CYTH1: variants seen among roughly 807,000 people sequenced by gnomAD.
The protein encoded by CYTH1 is cytohesin-1.
CYTH1 carries 18 observed loss-of-function variants against 61.8 expected under a neutral mutation model. The observed-to-expected ratio is 0.29, with a 90% CI of 0.20 to 0.43. The LOEUF (loss-of-function observed/expected upper bound fraction) is 0.43. Among genes scored for constraint, CYTH1 ranks in the 20% least tolerant of loss-of-function variants. CYTH1 has a pLI of 1.00. For synonymous variants in CYTH1, 174 were observed against 184.3 expected, an observed-to-expected ratio of 0.94 and a Z score of 0.45; for missense variants, 336 against 510.5, an observed-to-expected ratio of 0.66 and a Z score of 3.29.
intron 9 of CYTH1, chr17:78,696,762 T>C (rs1336361098): frequency 6.6e-6 from 1 of 152,282 alleles, no homozygotes; most frequent in African/African-American, 2.4e-5. Context: ...CTTTGTACTG[T>C]TCTAATTTTA....
chr17:78,703,411 CAAAAAAAA>C (rs67437891), intron 3 of CYTH1, among the ~76,000 whole-genome samples: 3 of 69,690 alleles, frequency 4.3e-5, no homozygotes, highest in Admixed American at 1.9e-4. Context: ...ACTCCGTCTC[CAAAAAAAA>C]AAAAAAAAAA....
Position 78,760,460 on chromosome 17 carries a change from C to CAT in CYTH1, c.22+21740_22+21741dup, listed in dbSNP as rs1273141940. 1.3e-4 allele frequency among the ~76,000 whole-genome samples: 4 copies of CAT among 31,530 alleles called. 1 individual carries two copies. The highest frequency in any genetic ancestry group is 6.7e-4 in the Admixed American group (2 of 2,970). 20.7% of individuals were successfully genotyped at this position (31,530 alleles called of 152,430 possible). On this transcript the variant is annotated intron_variant, in intron 1 of 13. Transcript: ENST00000446868. The stretch of plus-strand genomic sequence containing the variant: ...ATATATATGTATATATATATACATA[C>CAT]ATATATATATGTATATATATGTATG...
At chr17:78,722,137 C>T (rs1220348536) in intron 1 of CYTH1, among the ~76,000 whole-genome samples, 2 of 152,106 alleles carry the variant, frequency 1.3e-5, no homozygotes, top group African/African-American at 4.8e-5. Flanking sequence ...AGTAACAGAA[C>T]CTAAGTGACA....
chr17:78,760,382 TATACACAC>T (rs2093417880), intron 1 of CYTH1, among the ~76,000 whole-genome samples: 8 of 51,686 alleles, frequency 1.5e-4, no homozygotes, highest in South Asian at 6.3e-4. Context: ...TATATATATA[TATACACAC>T]ACATACATAT....
Position 78,674,878 on chromosome 17 carries a change from A to G in CYTH1, c.*1213T>C, listed in dbSNP as rs997404263. On this transcript the variant is annotated 3_prime_UTR_variant, in exon 14 of 14. Coordinates refer to ENST00000446868, the MANE Select transcript of CYTH1 (RefSeq NM_004762.6). ...ATGAGGAGGGGCAGGGCCAGCTCACACAGCGCCTGCAGGGGAAGACAGAGA... is the reference window on the plus strand; with the variant it reads ...ATGAGGAGGGGCAGGGCCAGCTCACGCAGCGCCTGCAGGGGAAGACAGAGA... 10 of 152,970 alleles carry G rather than the reference A, an allele frequency of 6.5e-5. No homozygotes were observed. Among genetic ancestry groups the G allele is most frequent in the African/African-American group, 2.2e-4 (9 of 41,480 alleles). 9.5% of individuals were successfully genotyped at this position (152,970 alleles called of 1,614,324 possible).
At chr17:78,708,441 C>G (rs532562497) in intron 2 of CYTH1, among the ~76,000 whole-genome samples, 180 bp from the exon 3 acceptor site, 189 of 152,268 alleles carry the variant, frequency 1.2e-3, no homozygotes, top group Non-Finnish European at 2.2e-3. Context: ...TATTGAGTGC[C>G]TACCAAACAG....
chr17:78,705,627 A>C (rs1025688064), intron 3 of CYTH1, among the ~76,000 whole-genome samples: 3 of 152,200 alleles, frequency 2.0e-5, no homozygotes, highest in Non-Finnish European at 4.4e-5. Flanking sequence ...GAGCAAATGT[A>C]ATGCCTGCTT....
intron 1 of CYTH1, among the ~76,000 whole-genome samples, chr17:78,772,942 G>A (rs535864347): frequency 1.2e-4 from 18 of 152,222 alleles, no homozygotes; most frequent in Middle Eastern, 3.4e-3. Context: ...CGATTCTAGT[G>A]ACTCAGCCTC....
chr17:78,738,352 C>T (rs554876261), intron 1 of CYTH1, among the ~76,000 whole-genome samples: 2 of 152,306 alleles, frequency 1.3e-5, no homozygotes, highest in East Asian at 3.9e-4. Flanking sequence ...GGCTGCAGAG[C>T]CCATCCTCCG....
intron 1 of CYTH1, among the ~76,000 whole-genome samples, chr17:78,739,795 A>C (rs2093334980): frequency 3.9e-5 from 6 of 152,220 alleles, no homozygotes; most frequent in Admixed American, 3.9e-4. Context: ...TTACTTGATA[A>C]AAGTGGCCAT....
chr17:78,757,556 G>A (rs907073481), intron 1 of CYTH1, among the ~76,000 whole-genome samples: 10 of 152,130 alleles, frequency 6.6e-5, no homozygotes, highest in East Asian at 5.8e-4. Flanking sequence ...AACACTAGCC[G>A]AGGTTCTTAG....
chr17:78,729,531 G>A (rs529941959), intron 1 of CYTH1, among the ~76,000 whole-genome samples: 7 of 152,274 alleles, frequency 4.6e-5, no homozygotes, highest in Middle Eastern at 3.4e-3. Flanking sequence ...GCAGTCTCCC[G>A]TGCTGCTGGG....
At chr17:78,777,236 G>T (rs1330723191) in intron 1 of CYTH1, among the ~76,000 whole-genome samples, 3 of 151,956 alleles carry the variant, frequency 2.0e-5, no homozygotes, top group Non-Finnish European at 2.9e-5. Flanking sequence ...TGGCTAACAT[G>T]GTGAAACGCC....
At chr17:78,699,949 C>G (rs2092990980) in intron 7 of CYTH1, among the ~76,000 whole-genome samples, 1 of 152,080 alleles carries the variant, frequency 6.6e-6, no homozygotes, top group African/African-American at 2.4e-5. Flanking sequence ...GCCACCACAC[C>G]TGGCTAATTT....
intron 1 of CYTH1, among the ~76,000 whole-genome samples, chr17:78,735,928 AC>A (rs1265065933): frequency 6.6e-6 from 1 of 152,224 alleles, no homozygotes; most frequent in Non-Finnish European, 1.5e-5. Context: ...GCTTTAAGAC[AC>A]AGCTCTTCAG....
At chr17:78,696,056 A>G in intron 9 of CYTH1, 47 bp from the exon 10 acceptor site, 1 of 1,367,430 alleles carries the variant, frequency 7.3e-7, no homozygotes, top group Non-Finnish European at 9.8e-7. Context: ...ATGGAAACAT[A>G]CAAATGAGGG....
At chr17:78,689,722 C>T (rs1370962556) in intron 11 of CYTH1, among the ~76,000 whole-genome samples, 8 of 152,196 alleles carry the variant, frequency 5.3e-5, no homozygotes, top group Admixed American at 5.2e-4. Context: ...AGTGAATATA[C>T]AGTCTTGAGC....
intron 1 of CYTH1, among the ~76,000 whole-genome samples, chr17:78,711,302 A>AAATAAATAAATAAT (rs1349893231): frequency 7.6e-6 from 1 of 132,250 alleles, no homozygotes; most frequent in African/African-American, 3.0e-5. Flanking sequence ...ATAAATAAAT[A>AAATAAATAAATAAT]ATATATATAT....
chr17:78,693,641 G>GAA (rs78280345), intron 10 of CYTH1, among the ~76,000 whole-genome samples: 2 of 138,790 alleles, frequency 1.4e-5, no homozygotes, highest in African/African-American at 5.3e-5. Context: ...AAAAAAAAAA[G>GAA]AAAAAAAAAA....
Sources: allele counts gnomAD v4.1 joint callset (sites outside exome capture counted in the v4.1 genomes callset), GRCh38; gene constraint gnomAD v4.1.1; transcripts MANE v1.5; gene names NCBI Gene and HGNC (gene_info 2026-07-23, HGNC 2026-07-21).